The following AGFG1 variants were observed in gnomAD, a reference collection of about 807,000 sequenced individuals.
AGFG1 encodes ArfGAP with FG repeats 1, also known as arf-GAP domain and FG repeat-containing protein 1.
A neutral mutation model predicts 60.6 loss-of-function variants in AGFG1; 10 were observed. The observed-to-expected ratio is 0.16, with a 90% CI of 0.10 to 0.28. The LOEUF (loss-of-function observed/expected upper bound fraction) is 0.28, where lower values mean the gene tolerates loss of function less well. Among genes scored for constraint, AGFG1 ranks in the 10% least tolerant of loss-of-function variants. AGFG1 has a pLI of 1.00. For missense variants in AGFG1, 537 were observed against 676.5 expected (o/e 0.79, Z 2.29); for synonymous variants, 247 against 242.9 (o/e 1.02, Z -0.16).
In AGFG1 at chr2:227,472,397, G is replaced by A. The variant is rs1690118208; in HGVS notation, c.-25G>A. 2 of 1,405,738 alleles carry A rather than the reference G, an allele frequency of 1.4e-6. No individual in the cohort carries two copies. The highest frequency in any genetic ancestry group is 2.0e-4 in the Middle Eastern group (1 of 4,882). 87.1% of individuals were successfully genotyped at this position (1,405,738 alleles called of 1,614,324 possible). On this transcript the variant is annotated 5_prime_UTR_variant, in exon 1 of 13. Coordinates refer to ENST00000310078, the MANE Select transcript of AGFG1 (RefSeq NM_004504.5). ...GCGCTGCCCGGCTCCCGGCCCTGCC[G>A]GCCTCCTCCCTTGGCGCCGCGGCCA... is the stretch of plus-strand genomic sequence containing the variant.
At chr2:227,550,610 GT>G (rs1442529099) in intron 10 of AGFG1, among the ~76,000 whole-genome samples, 1 of 151,918 alleles carries the variant, frequency 6.6e-6, no homozygotes, top group Non-Finnish European at 1.5e-5. Flanking sequence ...CCAATGGCCT[GT>G]TTTTCCTTTT....
intron 11 of AGFG1, among the ~76,000 whole-genome samples, chr2:227,552,926 C>T (rs922337516): frequency 3.8e-5 from 5 of 132,844 alleles, no homozygotes; most frequent in African/African-American, 8.8e-5. Context: ...TGCTTGAACC[C>T]GGGAGGCGGA....
rs939477519 is a variant in AGFG1, at chr2:227,558,378, G to A, written c.*3883G>A. 4 of 151,088 alleles carry A rather than the reference G, an allele frequency of 2.6e-5. No homozygotes were observed. The highest frequency in any genetic ancestry group is 5.9e-5 in the Non-Finnish European group (4 of 67,812). 9.4% of individuals were successfully genotyped at this position (151,088 alleles called of 1,614,324 possible). A position where few individuals can be genotyped will look rare whatever the true frequency, so the allele number is the denominator to read the frequency against. On this transcript the variant is annotated 3_prime_UTR_variant, in exon 13 of 13. Transcript: ENST00000310078. The stretch of plus-strand genomic sequence containing the variant: ...TTCCTTTCATAATTTGATGAAATCA[G>A]TACAGTTTATTCTTGGTTTTTTTTT...
At chr2:227,480,273 T>C (rs1265230669) in intron 1 of AGFG1, among the ~76,000 whole-genome samples, 1 of 152,180 alleles carries the variant, frequency 6.6e-6, no homozygotes, top group Non-Finnish European at 1.5e-5. Flanking sequence ...TTTTTACGAC[T>C]CTAGGGGGAG....
intron 4 of AGFG1, 131 bp downstream of exon 4, chr2:227,524,056 C>T (rs1691905455): frequency 1.1e-6 from 1 of 932,096 alleles, no homozygotes; most frequent in Non-Finnish European, 1.6e-6. Context: ...GTTTGTTATA[C>T]ATTAAGAAAT....
At chr2:227,482,182 C>T (rs1212372768) in intron 1 of AGFG1, among the ~76,000 whole-genome samples, 1 of 152,102 alleles carries the variant, frequency 6.6e-6, no homozygotes, top group East Asian at 1.9e-4. Flanking sequence ...CTACTTTTAA[C>T]TAGAATGCCT....
chr2:227,483,603 C>G (rs1021183317), intron 1 of AGFG1, among the ~76,000 whole-genome samples: 18 of 152,144 alleles, frequency 1.2e-4, no homozygotes, highest in African/African-American at 4.1e-4. Context: ...CCTTTTTTCA[C>G]TCAACATATT....
chr2:227,521,744 G>A (rs545840810), intron 3 of AGFG1, among the ~76,000 whole-genome samples: 6 of 152,288 alleles, frequency 3.9e-5, no homozygotes, highest in Admixed American at 2.0e-4. Flanking sequence ...GTGAGTGTGA[G>A]TAACAGTTGG....
rs1692145273 is a variant in AGFG1, at chr2:227,531,160, T to C, written c.764T>C (p.Phe255Ser). The change falls in exon 6 of 13, where the codon TTT (phenylalanine) becomes TCT (serine). Residue 255 changes from phenylalanine (F) to serine (S), a missense_variant. Around this residue, in one of 4 missense-constraint regions of AGFG1, gnomAD observed 287 missense variants for 343.6 expected, o/e 0.84. Transcript: ENST00000310078. ...GGACAGTCTAGTGGTTCGAGTAATT[T>C]TGGAGGTTTCCCCACAGCAAGTCAC... ...AFGQSSGSSN[F>S]GGFPTASHSP... is the part of the protein sequence containing the mutation. 6.2e-7 allele frequency: 1 copy of C among 1,613,656 alleles called. No individual in the cohort carries two copies. Among genetic ancestry groups the C allele is most frequent in the Admixed American group, 1.7e-5 (1 of 59,962 alleles).
chr2:227,472,647 G>C (rs1690128822), intron 1 of AGFG1, 59 bp downstream of exon 1: 3 of 1,520,876 alleles, frequency 2.0e-6, no homozygotes, highest in Non-Finnish European at 2.6e-6. Flanking sequence ...GGGAGCGGGC[G>C]GCGGGACCGG....
At chr2:227,541,084 C>G (rs141219340) in intron 10 of AGFG1, among the ~76,000 whole-genome samples, 7,863 of 152,148 alleles carry the variant, frequency 0.052, 266 homozygotes, top group African/African-American at 0.1. Flanking sequence ...TTTGTAGATT[C>G]TGGATATTAG....
chr2:227,544,235 G>A (rs1692577376), intron 10 of AGFG1, among the ~76,000 whole-genome samples: 1 of 143,618 alleles, frequency 7.0e-6, no homozygotes, highest in Non-Finnish European at 1.5e-5. Context: ...GCTCACTGCA[G>A]GCTCCGCCTC....
chr2:227,497,288 C>T (rs1018070865), intron 2 of AGFG1, among the ~76,000 whole-genome samples: 2 of 151,252 alleles, frequency 1.3e-5, no homozygotes, highest in African/African-American at 4.9e-5. Flanking sequence ...GAACTCTTAA[C>T]GTTTCAGCTT....
Position 227,560,779 on chromosome 2 carries a change from G to A in AGFG1, c.*6284G>A, listed in dbSNP as rs1693115952. Reference sequence around the variant, plus strand: ...AATGTGAGTTATTACTCTGAAAGTTGTGATTCTGATTCCTCATGGTTTGGA... The same window carrying A: ...AATGTGAGTTATTACTCTGAAAGTTATGATTCTGATTCCTCATGGTTTGGA... On this transcript the variant is annotated 3_prime_UTR_variant, in exon 13 of 13. Coordinates refer to ENST00000310078, the MANE Select transcript of AGFG1 (RefSeq NM_004504.5). 1 of 152,150 alleles carries A rather than the reference G, an allele frequency of 6.6e-6. No homozygotes were observed. Among genetic ancestry groups the A allele is most frequent in the South Asian group, 2.1e-4 (1 of 4,832 alleles). 9.4% of individuals were successfully genotyped at this position (152,150 alleles called of 1,614,324 possible). A position where few individuals can be genotyped will look rare whatever the true frequency, so the allele number is the denominator to read the frequency against.
At chr2:227,493,332 C>T (rs1322727848) in intron 2 of AGFG1, among the ~76,000 whole-genome samples, 2 of 152,140 alleles carry the variant, frequency 1.3e-5, no homozygotes, top group South Asian at 4.1e-4. Context: ...TATCTTCTGC[C>T]CCTGTTGCCC....
intron 2 of AGFG1, among the ~76,000 whole-genome samples, chr2:227,511,820 T>C (rs1037555044): frequency 1.3e-5 from 2 of 152,088 alleles, no homozygotes; most frequent in Non-Finnish European, 2.9e-5. Flanking sequence ...GAGATAAAGG[T>C]AGTGAAAATA....
chr2:227,546,690 A>G (rs778713730), intron 10 of AGFG1, among the ~76,000 whole-genome samples: 1 of 152,174 alleles, frequency 6.6e-6, no homozygotes, highest in Non-Finnish European at 1.5e-5. Flanking sequence ...AGATTAGCCT[A>G]TTGTGGCCTA....
At chr2:227,553,125 C>G (rs1487811879) in intron 11 of AGFG1, among the ~76,000 whole-genome samples, 3 of 151,884 alleles carry the variant, frequency 2.0e-5, no homozygotes, top group Non-Finnish European at 1.5e-5. Flanking sequence ...CAGCCTGTTC[C>G]AAATAGTCAC....
intron 1 of AGFG1, among the ~76,000 whole-genome samples, chr2:227,489,246 T>A (rs1690728998): frequency 5.4e-5 from 8 of 147,592 alleles, no homozygotes; most frequent in Admixed American, 5.4e-4. Flanking sequence ...TTTTTTTTTT[T>A]TTGAGACGGA....
Sources: allele counts gnomAD v4.1 joint callset (sites outside exome capture counted in the v4.1 genomes callset), GRCh38; gene constraint gnomAD v4.1.1; regional missense constraint gnomAD v4.1.1; transcripts MANE v1.5; gene names NCBI Gene and HGNC (gene_info 2026-07-23, HGNC 2026-07-21).